Variants in NIPAL2 observed in about 807,000 individuals in gnomAD.
The protein encoded by NIPAL2 is NIPA like domain containing 2, also known as NIPA-like protein 2.
NIPAL2 carries 43 observed loss-of-function variants against 48.9 expected under a neutral mutation model. The ratio of observed to expected loss-of-function variants is 0.88; its 90% CI spans 0.69 to 1.13. The LOEUF (loss-of-function observed/expected upper bound fraction) is 1.13, where lower values mean the gene tolerates loss of function less well. NIPAL2 is among the 50% of genes most tolerant of loss of function. NIPAL2 has a pLI of 0.00. For missense variants in NIPAL2, 446 were observed against 461.4 expected, an observed-to-expected ratio of 0.97 and a Z score of 0.31; for synonymous variants, 167 against 174.6, an observed-to-expected ratio of 0.96 and a Z score of 0.34.
At chr8:98,275,456 G>C (rs1365612484) in intron 1 of NIPAL2, among the ~76,000 whole-genome samples, 2 of 152,138 alleles carry the variant, frequency 1.3e-5, no homozygotes, top group Non-Finnish European at 2.9e-5. Flanking sequence ...TTGCTGAGTA[G>C]TATTCCATGG....
At chr8:98,271,566 T>C (rs747988700) in intron 1 of NIPAL2, among the ~76,000 whole-genome samples, 2 of 152,224 alleles carry the variant, frequency 1.3e-5, no homozygotes, top group East Asian at 3.8e-4. Flanking sequence ...TCTACTGAAG[T>C]CATTTATCAG....
At chr8:98,251,276 A>G (rs903676693) in intron 3 of NIPAL2, among the ~76,000 whole-genome samples, 2 of 152,132 alleles carry the variant, frequency 1.3e-5, no homozygotes, top group Non-Finnish European at 2.9e-5. Context: ...AGACAGCAGG[A>G]GTCTGGAGGG....
chr8:98,232,275 C>T (rs58918759), intron 4 of NIPAL2, among the ~76,000 whole-genome samples: 4,493 of 152,078 alleles, frequency 0.03, 240 homozygotes, highest in African/African-American at 0.1. Flanking sequence ...AAATTGGTCA[C>T]GTTTAATTAT....
intron 3 of NIPAL2, among the ~76,000 whole-genome samples, chr8:98,249,622 AACATAAT>A (rs1479620868): frequency 2.0e-5 from 3 of 147,554 alleles, no homozygotes; most frequent in Non-Finnish European, 3.0e-5. Context: ...TTAAATGTAT[AACATAAT>A]ACAATTTAAT....
At chr8:98,218,694 G>A (rs147720027) in intron 5 of NIPAL2, among the ~76,000 whole-genome samples, 156 of 152,324 alleles carry the variant, frequency 1.0e-3, no homozygotes, top group African/African-American at 3.5e-3. Flanking sequence ...GAAGTGCAGG[G>A]TCTTCTGGAA....
rs760736163 is a variant in NIPAL2 at position 98,259,057 on chromosome 8, C to T, written c.136-4970G>A. Among the ~76,000 whole-genome samples, 146 of 141,048 alleles carry T rather than the reference C, an allele frequency of 1.0e-3. 1 individual carries two copies. The highest frequency in any genetic ancestry group is 1.6e-3 in the Admixed American group (22 of 13,438). 92.5% of individuals were successfully genotyped at this position (141,048 alleles called of 152,430 possible). On this transcript the variant is annotated intron_variant, in intron 1 of 10. Coordinates refer to ENST00000430223, the MANE Select transcript of NIPAL2 (RefSeq NM_001321635.2). Reference sequence around the variant, plus strand: ...ATCAAGACAGCATTATGCTGCTGTTCCTTTAAATATTCCTTTTTTTTTTTT... The same window carrying T: ...ATCAAGACAGCATTATGCTGCTGTTTCTTTAAATATTCCTTTTTTTTTTTT...
chr8:98,259,575 A>G (rs115155270), intron 1 of NIPAL2, among the ~76,000 whole-genome samples: 1 of 152,202 alleles, frequency 6.6e-6, no homozygotes, highest in Non-Finnish European at 1.5e-5. Flanking sequence ...TTGTACCTCC[A>G]CCTGTTAGGA....
intron 5 of NIPAL2, chr8:98,217,427 AT>A: frequency 2.7e-6 from 2 of 732,914 alleles, no homozygotes; most frequent in Non-Finnish European, 3.3e-6. Flanking sequence ...CCGAAAGCCA[AT>A]TCAGGTGCTC....
At chr8:98,231,384 A>C (rs1376315571) in intron 4 of NIPAL2, among the ~76,000 whole-genome samples, 3 of 152,130 alleles carry the variant, frequency 2.0e-5, no homozygotes, top group Non-Finnish European at 2.9e-5. Flanking sequence ...AATCAAGCTG[A>C]CTTCTGGTGT....
rs1054553893 is a variant in NIPAL2 at position 98,193,441 on chromosome 8, A to G, written c.1040-351T>C. The G allele has an allele frequency of 1.9e-6, 3 of 1,612,838 alleles. No individual in the cohort carries two copies. In the African/African-American group the frequency reaches 4.0e-5, roughly 22 times the overall value. On this transcript the variant is annotated intron_variant, in intron 10 of 10. Transcript: ENST00000430223. ...CTTTTCCACGTCGAATGCATATAACAACATAGAAAAATAGCCTTTGATAGT... is the reference window on the plus strand; with the variant it reads ...CTTTTCCACGTCGAATGCATATAACGACATAGAAAAATAGCCTTTGATAGT...
chr8:98,205,925 T>C (rs771156543), intron 6 of NIPAL2, among the ~76,000 whole-genome samples: 4 of 152,204 alleles, frequency 2.6e-5, no homozygotes, highest in Non-Finnish European at 4.4e-5. Flanking sequence ...ACATAAGCAA[T>C]AGCTATTTAT....
chr8:98,275,453 G>GT (rs1815405312), intron 1 of NIPAL2, among the ~76,000 whole-genome samples: 1 of 152,118 alleles, frequency 6.6e-6, no homozygotes, highest in Non-Finnish European at 1.5e-5. Flanking sequence ...TCATTGCTGA[G>GT]TAGTATTCCA....
intron 3 of NIPAL2, among the ~76,000 whole-genome samples, chr8:98,236,932 C>T (rs538249313): frequency 1.3e-5 from 2 of 151,896 alleles, no homozygotes; most frequent in Non-Finnish European, 2.9e-5. Flanking sequence ...CCCAGCATCT[C>T]CTCCTATAAT....
intron 1 of NIPAL2, among the ~76,000 whole-genome samples, chr8:98,292,432 A>T (rs932731415): frequency 6.6e-6 from 1 of 152,236 alleles, no homozygotes; most frequent in East Asian, 1.9e-4. Flanking sequence ...GCAAAACTTG[A>T]TACAGTTTTA....
intron 3 of NIPAL2, among the ~76,000 whole-genome samples, chr8:98,246,298 A>G (rs958527806): frequency 6.6e-6 from 1 of 152,230 alleles, no homozygotes; most frequent in Non-Finnish European, 1.5e-5. Flanking sequence ...ACACAAAACA[A>G]CATGTATTCC....
At chr8:98,246,151 G>T (rs903271462) in intron 3 of NIPAL2, among the ~76,000 whole-genome samples, 3 of 152,186 alleles carry the variant, frequency 2.0e-5, no homozygotes, top group Non-Finnish European at 4.4e-5. Context: ...AAATCTTGGA[G>T]ACCAAAGTTT....
At position 98,191,396 on chromosome 8, in the gene NIPAL2, G is replaced by A. The variant is rs1383628829; in HGVS notation, c.*1582C>T. ...CATGGGACACTTGCTACGATGGCGG[G>A]AATTATTACCAGGAGTTTAGGAGCC... On this transcript the variant is annotated 3_prime_UTR_variant, in exon 11 of 11. Transcript: ENST00000430223. The A allele has an allele frequency of 6.6e-6, 1 of 152,176 alleles. No individual in the cohort carries two copies. Among genetic ancestry groups the A allele is most frequent in the African/African-American group, 2.4e-5 (1 of 41,438 alleles). The allele number at this position is 152,176 out of a possible 1,614,324, so 9.4% of individuals were successfully genotyped here.
intron 1 of NIPAL2, among the ~76,000 whole-genome samples, chr8:98,290,147 A>G (rs997218883): frequency 6.6e-6 from 1 of 152,194 alleles, no homozygotes; most frequent in African/African-American, 2.4e-5. Context: ...GATAACACAT[A>G]CCTTTTGAGG....
At chr8:98,216,286 G>A (rs1403745952) in intron 5 of NIPAL2, among the ~76,000 whole-genome samples, 3 of 152,194 alleles carry the variant, frequency 2.0e-5, no homozygotes, top group Non-Finnish European at 4.4e-5. Flanking sequence ...CCTTAAACAA[G>A]TTCCTGGGCC....
Sources: gnomAD v4.1 joint callset for allele counts (sites outside exome capture counted in the v4.1 genomes callset) on GRCh38, gnomAD v4.1.1 for gene constraint, MANE v1.5 for transcripts, NCBI Gene and HGNC (gene_info 2026-07-23, HGNC 2026-07-21) for gene names.